Variants in ATP2A3 observed in about 807,000 individuals in gnomAD.
The protein encoded by ATP2A3 is sarcoplasmic/endoplasmic reticulum calcium ATPase 3.
ATP2A3 carries 61 observed loss-of-function variants against 106.8 expected under a neutral mutation model. The ratio of observed to expected loss-of-function variants is 0.57; its 90% CI spans 0.46 to 0.71. ATP2A3 has a LOEUF of 0.71. Ranked by LOEUF, ATP2A3 falls within the 30% of genes least tolerant of loss-of-function variation. ATP2A3 has a pLI of 0.00. For synonymous variants in ATP2A3, 611 were observed against 609.3 expected, an observed-to-expected ratio of 1.00 and a Z score of -0.04; for missense variants, 1,201 against 1,423.5, an observed-to-expected ratio of 0.84 and a Z score of 2.52.
In ATP2A3 at chr17:3,928,644, G is replaced by T; in HGVS notation, c.2980+19C>A. On this transcript the variant is annotated intron_variant, in intron 20 of 20. Coordinates refer to ENST00000397041, the MANE Select transcript of ATP2A3 (RefSeq NM_005173.4). This position sits in a 1 kb window ranked among gnomAD's most constrained non-coding sequence, Gnocchi z 6.1. ...GGGCGGGGAGGCAGGCTGGAGGCGG[G>T]ACGGGGCCTCCCACTCACCGTGCAT... 1 of 1,541,950 alleles carries T rather than the reference G, an allele frequency of 6.5e-7. No homozygotes were observed. Among genetic ancestry groups the T allele is most frequent in the South Asian group, 1.2e-5 (1 of 83,838 alleles).
Position 3,930,528 on chromosome 17 carries a change from C to T in ATP2A3, c.2611-94G>A, listed in dbSNP as rs1341953251. 6 of 1,564,220 alleles carry T rather than the reference C, an allele frequency of 3.8e-6. No individual in the cohort carries two copies. In the African/African-American group the frequency reaches 6.7e-5, roughly 18 times the overall value. ...AGCCTCATCCTGCCCTTGGCCCACG[C>T]CTGGGCACAACCAGCACACAAAACA... is the stretch of plus-strand genomic sequence containing the variant. On this transcript the variant is annotated intron_variant, in intron 17 of 20. Transcript: ENST00000397041. This position sits in a 1 kb window ranked among gnomAD's most constrained non-coding sequence, Gnocchi z 5.4.
intron 3 of ATP2A3, 106 bp from the exon 4 acceptor site, chr17:3,951,791 T>C (rs2054462706): frequency 8.7e-7 from 1 of 1,150,458 alleles, no homozygotes; most frequent in Non-Finnish European, 1.3e-6. Flanking sequence ...TTTGGGGAGA[T>C]AGCACTGGGG....
intron 1 of ATP2A3, among the ~76,000 whole-genome samples, chr17:3,959,540 C>A (rs2144764683): frequency 6.6e-6 from 1 of 152,378 alleles, no homozygotes; most frequent in South Asian, 2.1e-4. Flanking sequence ...TCCACACCAC[C>A]TGCTCCCCTC....
chr17:3,959,510 C>T (rs562039820), intron 1 of ATP2A3, among the ~76,000 whole-genome samples: 7 of 152,320 alleles, frequency 4.6e-5, no homozygotes, highest in Admixed American at 6.5e-5. Context: ...GTAAGCGATG[C>T]CCCTGGGCTG....
At position 3,955,156 on chromosome 17, in the gene ATP2A3, G is replaced by A. The variant is rs1289069273; in HGVS notation, c.119-1446C>T. On this transcript the variant is annotated intron_variant, in intron 1 of 20. Coordinates refer to ENST00000397041, the MANE Select transcript of ATP2A3 (RefSeq NM_005173.4). This position sits in a 1 kb window ranked among gnomAD's most constrained non-coding sequence, Gnocchi z 4.2. ...CATCTGTGGCATCTCCCCGAAGCTCGTTAGCCATGCGGAATCTGAGGCCCC... is the reference window on the plus strand; with the variant it reads ...CATCTGTGGCATCTCCCCGAAGCTCATTAGCCATGCGGAATCTGAGGCCCC... 6.6e-6 allele frequency among the ~76,000 whole-genome samples: 1 copy of A among 152,226 alleles called. No homozygotes were observed. Among genetic ancestry groups the A allele is most frequent in the African/African-American group, 2.4e-5 (1 of 41,462 alleles).
At chr17:3,943,633 C>T in intron 10 of ATP2A3, 111 bp from the exon 11 acceptor site, 3 of 1,551,430 alleles carry the variant, frequency 1.9e-6, no homozygotes, top group Non-Finnish European at 2.6e-6. Context: ...TTCCGTGTAA[C>T]CTCCTTTGCA....
intron 9 of ATP2A3, 57 bp from the exon 10 acceptor site, chr17:3,944,863 G>C: frequency 1.1e-6 from 1 of 934,938 alleles, no homozygotes; most frequent in Non-Finnish European, 1.5e-6. Flanking sequence ...AGAGGGGTCC[G>C]CCTCTTGGCC....
At chr17:3,963,983 C>T (rs1344570257) in intron 1 of ATP2A3, among the ~76,000 whole-genome samples, 191 bp downstream of exon 1, 2 of 152,034 alleles carry the variant, frequency 1.3e-5, no homozygotes, top group Non-Finnish European at 2.9e-5. Context: ...CGCTCCCAGC[C>T]CCCAGCCCCC....
At position 3,930,663 on chromosome 17, in the gene ATP2A3, C is replaced by A; in HGVS notation, c.2611-229G>T. On this transcript the variant is annotated intron_variant, in intron 17 of 20. Transcript: ENST00000397041. This position sits in a 1 kb window ranked among gnomAD's most constrained non-coding sequence, Gnocchi z 5.4. ...AAGGGCACAGCGTGGGAAAGGCAGACGTTCTGGAGCAGGAGTGCAGCGGCT... is the reference window on the plus strand; with the variant it reads ...AAGGGCACAGCGTGGGAAAGGCAGAAGTTCTGGAGCAGGAGTGCAGCGGCT... 1 of 612,874 alleles carries A rather than the reference C, an allele frequency of 1.6e-6. No homozygotes were observed. The highest frequency in any genetic ancestry group is 1.8e-5 in the South Asian group (1 of 54,958). 38.0% of individuals were successfully genotyped at this position (612,874 alleles called of 1,614,324 possible).
At chr17:3,951,553 G>GGGCCC in intron 4 of ATP2A3, 28 bp downstream of exon 4, 1 of 647,374 alleles carries the variant, frequency 1.5e-6, no homozygotes, top group Non-Finnish European at 2.1e-6. Flanking sequence ...ACCGCCCCCC[G>GGGCCC]CCCGGTCCCA....
rs567507220 is a variant in ATP2A3 at position 3,954,709 on chromosome 17, G to C, written c.119-999C>G. Among the ~76,000 whole-genome samples the C allele has an allele frequency of 7.2e-5, 11 of 151,970 alleles. No homozygotes were observed. The South Asian group carries it at 8.3e-4, about 11-fold the overall frequency. On this transcript the variant is annotated intron_variant, in intron 1 of 20. Transcript: ENST00000397041. Reference sequence around the variant, plus strand: ...ATGGGGTTTCACTATGTTGGCCAGGGTGGTCTCGAACTCCTGACCTTGTGA... The same window carrying C: ...ATGGGGTTTCACTATGTTGGCCAGGCTGGTCTCGAACTCCTGACCTTGTGA...
chr17:3,934,360 G>A (rs2053299654), intron 17 of ATP2A3, among the ~76,000 whole-genome samples: 1 of 151,902 alleles, frequency 6.6e-6, no homozygotes, highest in Non-Finnish European at 1.5e-5. Context: ...AGAAGCTACA[G>A]GCACACATCA....
At chr17:3,937,751 TAGAC>T (rs1297430233) in intron 14 of ATP2A3, 115 bp from the exon 15 acceptor site, 10 of 1,070,474 alleles carry the variant, frequency 9.3e-6, no homozygotes, top group South Asian at 1.3e-5. Context: ...AGCAGACAGT[TAGAC>T]AGAACAAATG....
intron 1 of ATP2A3, among the ~76,000 whole-genome samples, chr17:3,961,036 C>T (rs1444427199): frequency 1.3e-5 from 2 of 152,188 alleles, no homozygotes; most frequent in Non-Finnish European, 2.9e-5. Flanking sequence ...CTCCTGGCAC[C>T]GGCTCCAAGA....
intron 1 of ATP2A3, among the ~76,000 whole-genome samples, 192 bp downstream of exon 1, chr17:3,963,982 C>T (rs1263438844): frequency 6.6e-6 from 1 of 152,034 alleles, no homozygotes; most frequent in African/African-American, 2.4e-5. Flanking sequence ...CCGCTCCCAG[C>T]CCCCAGCCCC....
intron 17 of ATP2A3, among the ~76,000 whole-genome samples, chr17:3,934,673 A>G (rs2053322331): frequency 6.6e-6 from 1 of 151,694 alleles, no homozygotes; most frequent in Admixed American, 6.6e-5. Context: ...ACAGGCGTGC[A>G]CCACCACGCC....
chr17:3,927,318 C>G (rs1331334875), intron 20 of ATP2A3: 1 of 985,364 alleles, frequency 1.0e-6, no homozygotes, highest in Non-Finnish European at 1.2e-6. Flanking sequence ...AATTTTCTCA[C>G]TTTTAAGTTT....
chr17:3,953,610 G>A lies in ATP2A3; in HGVS notation c.136+83C>T. The A allele has an allele frequency of 5.2e-6, 8 of 1,541,764 alleles. No homozygotes were observed. Among genetic ancestry groups the A allele is most frequent in the Non-Finnish European group, 7.0e-6 (8 of 1,136,616 alleles). On this transcript the variant is annotated intron_variant, in intron 2 of 20. Coordinates refer to ENST00000397041, the MANE Select transcript of ATP2A3 (RefSeq NM_005173.4). The surrounding 1 kb of genome is among the most constrained non-coding windows in gnomAD (Gnocchi z 5.1). ...GAGCTCAGCAAGGCCTCACTCAGCGGGGAGAAGGAAGTCATGACCAGACAG... is the reference window on the plus strand; with the variant it reads ...GAGCTCAGCAAGGCCTCACTCAGCGAGGAGAAGGAAGTCATGACCAGACAG...
Position 3,930,590 on chromosome 17 carries a change from C to A in ATP2A3, c.2611-156G>T. The A allele has an allele frequency of 2.7e-6, 1 of 374,324 alleles. No homozygotes were observed. Among genetic ancestry groups the A allele is most frequent in the Non-Finnish European group, 5.1e-6 (1 of 195,558 alleles). The allele number at this position is 374,324 out of a possible 1,614,324, so 23.2% of individuals were successfully genotyped here. A position where few individuals can be genotyped will look rare whatever the true frequency, so the allele number is the denominator to read the frequency against. ...TGGGCTGGGGATCCCGGGAGGGGTG[C>A]GGGGTCGGGGCGGCGGTGGGGAGAG... On this transcript the variant is annotated intron_variant, in intron 17 of 20. Transcript: ENST00000397041. The surrounding 1 kb of genome is among the most constrained non-coding windows in gnomAD (Gnocchi z 5.4).
Sources: allele counts gnomAD v4.1 joint callset (sites outside exome capture counted in the v4.1 genomes callset), GRCh38; gene constraint gnomAD v4.1.1; non-coding constraint Gnocchi (gnomAD v3.1); transcripts MANE v1.5; gene names NCBI Gene and HGNC (gene_info 2026-07-23, HGNC 2026-07-21).